USH2A: variants seen among roughly 807,000 people sequenced by gnomAD.
The protein encoded by USH2A is usherin, also known as Usher syndrome 2A (autosomal recessive, mild).
A neutral mutation model predicts 538.9 loss-of-function variants in USH2A; 443 were observed. The observed-to-expected ratio is 0.82, with a 90% CI of 0.76 to 0.89. The LOEUF (loss-of-function observed/expected upper bound fraction) is 0.89. USH2A is among the 40% of genes least tolerant of loss of function. The probability of loss-of-function intolerance (pLI) is 0.00; values close to 1 mark genes in which losing one functional copy is unlikely to be tolerated. For missense variants in USH2A, 6,633 were observed against 6,324.8 expected, an observed-to-expected ratio of 1.05 and a Z score of -1.65; for synonymous variants, 2,413 against 2,273.5, an observed-to-expected ratio of 1.06 and a Z score of -1.75.
intron 21 of USH2A, among the ~76,000 whole-genome samples, chr1:216,138,419 A>G (rs954832808): frequency 6.6e-6 from 1 of 152,232 alleles, no homozygotes; most frequent in African/African-American, 2.4e-5. Context: ...ACTGTTATGT[A>G]GTCCGTGCAG....
At chr1:216,409,288 G>A (rs999092715) in intron 3 of USH2A, among the ~76,000 whole-genome samples, 3 of 152,126 alleles carry the variant, frequency 2.0e-5, no homozygotes, top group Non-Finnish European at 2.9e-5. Context: ...GACCAATATC[G>A]TTAAAATGGC....
At chr1:216,366,013 C>T (rs1571745227) in intron 3 of USH2A, among the ~76,000 whole-genome samples, 1 of 152,120 alleles carries the variant, frequency 6.6e-6, no homozygotes, top group East Asian at 1.9e-4. Context: ...GATACCTGCA[C>T]AAAATTTTTA....
rs1657569847 is a variant in USH2A at position 215,665,258 on chromosome 1, C to T, written c.14133+5714G>A. 2.0e-5 allele frequency among the ~76,000 whole-genome samples: 3 copies of T among 152,278 alleles called. No individual in the cohort carries two copies. The South Asian group carries it at 6.2e-4, about 32-fold the overall frequency. On this transcript the variant is annotated intron_variant, in intron 64 of 71. Coordinates refer to ENST00000307340, the MANE Select transcript of USH2A (RefSeq NM_206933.4). ...GCAGCAGACTGCCATTCTGCATGGG[C>T]TCCTGCAGCACTAGCCCTAAGTTCA...
chr1:215,818,125 A>G (rs189010906), intron 47 of USH2A, among the ~76,000 whole-genome samples: 6 of 151,970 alleles, frequency 3.9e-5, no homozygotes, highest in African/African-American at 1.4e-4. Flanking sequence ...TCAGTTTTTT[A>G]TGTTATCATT....
chr1:215,959,450 A>G (rs1667145714), intron 37 of USH2A, among the ~76,000 whole-genome samples: 1 of 151,870 alleles, frequency 6.6e-6, no homozygotes, highest in Admixed American at 6.6e-5. Context: ...TTGAGGACTT[A>G]TTTTGGATTA....
chr1:216,344,860 C>T (rs1342606234), intron 4 of USH2A, among the ~76,000 whole-genome samples: 1 of 150,972 alleles, frequency 6.6e-6, no homozygotes, highest in Non-Finnish European at 1.5e-5. Flanking sequence ...AAGTCCCTCT[C>T]AGCTAATAAT....
chr1:215,956,451 C>G (rs1323977143), intron 37 of USH2A, among the ~76,000 whole-genome samples: 1 of 152,060 alleles, frequency 6.6e-6, no homozygotes, highest in Non-Finnish European at 1.5e-5. Context: ...CTTCCAAAGC[C>G]AAAGGTACAT....
chr1:216,079,290 A>G (rs2031853518), intron 26 of USH2A: 1 of 152,094 alleles, frequency 6.6e-6, no homozygotes, highest in East Asian at 1.9e-4. Flanking sequence ...TAAGGTAAAC[A>G]CTGCTCCTAA....
At chr1:215,842,155 C>A (rs556618139) in intron 46 of USH2A, among the ~76,000 whole-genome samples, 1 of 152,078 alleles carries the variant, frequency 6.6e-6, no homozygotes, top group Non-Finnish European at 1.5e-5. Flanking sequence ...GAAACCCTGT[C>A]TCTACTGAAA....
intron 32 of USH2A, among the ~76,000 whole-genome samples, chr1:216,008,845 GTGGACCCAAAACTC>G (rs1571884368): frequency 6.6e-6 from 1 of 151,766 alleles, no homozygotes; most frequent in Non-Finnish European, 1.5e-5. Flanking sequence ...TGTTTCATCC[GTGGACCCAAAACTC>G]TGGCGCCAGT....
chr1:216,109,642 G>C (rs991641881), intron 21 of USH2A, among the ~76,000 whole-genome samples: 1 of 152,092 alleles, frequency 6.6e-6, no homozygotes, highest in East Asian at 1.9e-4. Flanking sequence ...GAATGCAACT[G>C]TTTTATATAT....
chr1:215,987,309 G>C (rs905384734), intron 35 of USH2A, among the ~76,000 whole-genome samples: 17 of 152,200 alleles, frequency 1.1e-4, no homozygotes, highest in African/African-American at 4.1e-4. Context: ...AAATGTATTA[G>C]ACAGTAATCC....
In USH2A at chr1:215,934,334, C is replaced by T. The variant is rs537923416; in HGVS notation, c.7300+282G>A. Among the ~76,000 whole-genome samples, 5 of 151,860 alleles carry T rather than the reference C, an allele frequency of 3.3e-5. 1 individual carries two copies. In the South Asian group the frequency reaches 1.0e-3, roughly 32 times the overall value. ...CCCAATTTTCTTAACATGCAGAAAT[C>T]CAGATATATATATGTGTGTGTGTGT... On this transcript the variant is annotated intron_variant, in intron 38 of 71. Transcript: ENST00000307340.
chr1:215,916,622 T>C (rs1201969464), intron 38 of USH2A, among the ~76,000 whole-genome samples: 1 of 152,090 alleles, frequency 6.6e-6, no homozygotes, highest in South Asian at 2.1e-4. Flanking sequence ...TTATTCTTCA[T>C]GAAATGAAAA....
intron 9 of USH2A, among the ~76,000 whole-genome samples, chr1:216,308,578 G>A (rs1201026247): frequency 6.6e-6 from 1 of 151,982 alleles, no homozygotes; most frequent in Non-Finnish European, 1.5e-5. Context: ...TTATATATGT[G>A]TTGTCTTGCT....
At position 215,867,003 on chromosome 1, in the gene USH2A, T is replaced by A; in HGVS notation, c.8845+4A>T. On this transcript the variant is annotated splice_donor_region_variant and intron_variant, in intron 44 of 71. Transcript: ENST00000307340. ...GTTAACACAGGTATGAGAAGCTTAC[T>A]TACTTGGTTTAGCCCACCTCACGTC... The A allele has an allele frequency of 6.2e-7, 1 of 1,614,134 alleles. No homozygotes were observed. The highest frequency in any genetic ancestry group is 8.5e-7 in the Non-Finnish European group (1 of 1,179,996).
chr1:216,194,310 A>C (rs992534380), intron 19 of USH2A: 3 of 152,098 alleles, frequency 2.0e-5, no homozygotes, highest in African/African-American at 7.2e-5. Flanking sequence ...ATGAGTTACC[A>C]GTAGAAGGTA....
chr1:215,762,091 G>T (rs1660997676), intron 56 of USH2A, among the ~76,000 whole-genome samples: 1 of 152,152 alleles, frequency 6.6e-6, no homozygotes, highest in Admixed American at 6.6e-5. Context: ...TTCCTGAGAA[G>T]AAAGTAGTTC....
At chr1:216,214,620 A>G (rs2035308599) in intron 15 of USH2A, among the ~76,000 whole-genome samples, 1 of 152,090 alleles carries the variant, frequency 6.6e-6, no homozygotes. Context: ...ATTGGATTAT[A>G]GTAATGATTG....
Sources: gnomAD v4.1 joint callset for allele counts (sites outside exome capture counted in the v4.1 genomes callset) on GRCh38, gnomAD v4.1.1 for gene constraint, MANE v1.5 for transcripts, NCBI Gene and HGNC (gene_info 2026-07-23, HGNC 2026-07-21) for gene names.